Variants in GOLM2 observed in about 807,000 individuals in gnomAD.
GOLM2 encodes golgi membrane protein 2, also known as protein GOLM2.
In GOLM2, 26 loss-of-function variants were observed where a neutral mutation model predicts 55.9. The observed-to-expected ratio is 0.47, with a 90% CI of 0.34 to 0.65. GOLM2 has a LOEUF of 0.65. Ranked by LOEUF, GOLM2 falls within the 30% of genes least tolerant of loss-of-function variation. The probability of loss-of-function intolerance (pLI) is 0.01; values close to 1 mark genes in which losing one functional copy is unlikely to be tolerated. For synonymous variants in GOLM2, 165 were observed against 194.6 expected (o/e 0.85, Z 1.27); for missense variants, 486 against 531.8 (o/e 0.91, Z 0.85).
At chr15:44,328,515 T>A (rs2078999780) in intron 2 of GOLM2, among the ~76,000 whole-genome samples, 170 bp from the exon 3 acceptor site, 1 of 152,208 alleles carries the variant, frequency 6.6e-6, no homozygotes, top group African/African-American at 2.4e-5. Flanking sequence ...ACCATGAATG[T>A]GTTACAAAAG....
chr15:44,338,142 T>C, intron 5 of GOLM2, 95 bp from the exon 6 acceptor site: 2 of 1,192,888 alleles, frequency 1.7e-6, no homozygotes, highest in Non-Finnish European at 2.4e-6. Flanking sequence ...TGATGTAGCC[T>C]ATTACTTTTA....
At chr15:44,295,809 C>A (rs1343103983) in intron 1 of GOLM2, among the ~76,000 whole-genome samples, 1 of 151,986 alleles carries the variant, frequency 6.6e-6, no homozygotes, top group Non-Finnish European at 1.5e-5. Flanking sequence ...ACTTTAAAGA[C>A]CTTGTCTCCA....
intron 6 of GOLM2, among the ~76,000 whole-genome samples, chr15:44,347,129 A>T (rs1595639325): frequency 6.6e-6 from 1 of 151,058 alleles, no homozygotes; most frequent in Admixed American, 6.6e-5. Flanking sequence ...GTCTAAACAA[A>T]AAAGAGAGAG....
At chr15:44,375,323 G>A (rs138278339) in intron 6 of GOLM2, among the ~76,000 whole-genome samples, 121 of 152,216 alleles carry the variant, frequency 7.9e-4, no homozygotes, top group African/African-American at 2.6e-3. Context: ...CTGACCGAGA[G>A]TTGCTTTGAT....
At chr15:44,291,650 C>G (rs996549208) in intron 1 of GOLM2, among the ~76,000 whole-genome samples, 4 of 152,150 alleles carry the variant, frequency 2.6e-5, no homozygotes, top group Admixed American at 6.6e-5. Flanking sequence ...AAACTATTTT[C>G]TTTCTTGCTT....
intron 6 of GOLM2, among the ~76,000 whole-genome samples, chr15:44,376,061 A>G (rs1378282519): frequency 1.3e-5 from 2 of 152,052 alleles, no homozygotes; most frequent in African/African-American, 4.8e-5. Flanking sequence ...ACATGGAGAA[A>G]CCCCATCTCT....
chr15:44,312,044 G>T (rs748398617), intron 1 of GOLM2, among the ~76,000 whole-genome samples: 6 of 152,112 alleles, frequency 3.9e-5, no homozygotes, highest in Non-Finnish European at 8.8e-5. Context: ...GATTAAAACC[G>T]CTGAATAAAC....
chr15:44,311,652 TTG>T (rs371395923), intron 1 of GOLM2, among the ~76,000 whole-genome samples: 1 of 149,874 alleles, frequency 6.7e-6, no homozygotes, highest in Non-Finnish European at 1.5e-5. Context: ...AGGATTGCTT[TTG>T]TGTGTGTGTG....
chr15:44,367,725 G>A (rs2079295520), intron 6 of GOLM2, among the ~76,000 whole-genome samples: 1 of 151,804 alleles, frequency 6.6e-6, no homozygotes, highest in Non-Finnish European at 1.5e-5. Context: ...AACCCAGGAG[G>A]TGGAGGTTGC....
intron 6 of GOLM2, among the ~76,000 whole-genome samples, chr15:44,375,526 C>T (rs377377524): frequency 4.6e-5 from 7 of 152,278 alleles, no homozygotes; most frequent in African/African-American, 1.7e-4. Context: ...CCTATAATCC[C>T]AGCACTTTGG....
At chr15:44,367,006 G>T (rs892182137) in intron 6 of GOLM2, among the ~76,000 whole-genome samples, 1 of 152,076 alleles carries the variant, frequency 6.6e-6, no homozygotes, top group East Asian at 1.9e-4. Context: ...TGCCAGTCTT[G>T]ATATTAAAAT....
intron 8 of GOLM2, among the ~76,000 whole-genome samples, chr15:44,394,075 A>C (rs1339798108): frequency 2.6e-5 from 4 of 152,208 alleles, no homozygotes; most frequent in Non-Finnish European, 5.9e-5. Flanking sequence ...CTCAGTGGAT[A>C]CTGAGGGAGG....
intron 9 of GOLM2, among the ~76,000 whole-genome samples, chr15:44,407,406 C>G (rs1024860482): frequency 1.2e-4 from 18 of 151,422 alleles, no homozygotes; most frequent in Non-Finnish European, 2.1e-4. Flanking sequence ...TCTGGGACTA[C>G]AGGCATGCAC....
chr15:44,352,804 G>T (rs1201475361), intron 6 of GOLM2, among the ~76,000 whole-genome samples: 1 of 151,980 alleles, frequency 6.6e-6, no homozygotes, highest in Non-Finnish European at 1.5e-5. Context: ...TACTCAGGAG[G>T]CTGAGGCAGG....
Position 44,288,773 on chromosome 15 carries a change from C to G in GOLM2, c.-257C>G, listed in dbSNP as rs2078697517. The G allele has an allele frequency of 2.0e-6, 1 of 510,776 alleles. No homozygotes were observed. The highest frequency in any genetic ancestry group is 2.7e-5 in the South Asian group (1 of 37,396). The allele number at this position is 510,776 out of a possible 1,614,324, so 31.6% of individuals were successfully genotyped here. The stretch of plus-strand genomic sequence containing the variant: ...TGGGGGACGCTGGCAGCTGGGTTCT[C>G]CCGGTTCCCTTGGGCAGGTGCAGGG... On this transcript the variant is annotated 5_prime_UTR_variant, in exon 1 of 10. Transcript: ENST00000299957.
chr15:44,311,566 A>C (rs1209456994), intron 1 of GOLM2, among the ~76,000 whole-genome samples: 1 of 152,120 alleles, frequency 6.6e-6, no homozygotes, highest in Non-Finnish European at 1.5e-5. Flanking sequence ...CTGGGATGAG[A>C]ACTAGAAATA....
chr15:44,380,924 A>G lies in GOLM2; in HGVS notation c.1020A>G (p.Ile340Met), dbSNP rs745577994. 6.9e-6 allele frequency: 11 copies of G among 1,600,396 alleles called. No homozygotes were observed. The highest frequency in any genetic ancestry group is 1.3e-5 in the African/African-American group (1 of 74,588). ...LDSEPRIQTD[I>M]LKQATKDRVS... ...GTGAACCCAGAATTCAAACAGATAT[A>G]CTAAAGCAGGCTACCAAGGACAGAG... The change falls in exon 8 of 10, where the codon ATA becomes ATG. Residue 340 changes from isoleucine (I) to methionine (M), a missense_variant. Coordinates refer to ENST00000299957, the MANE Select transcript of GOLM2 (RefSeq NM_138423.4).
At chr15:44,387,593 T>C (rs1232739333) in intron 8 of GOLM2, 2 of 152,002 alleles carry the variant, frequency 1.3e-5, no homozygotes, top group Non-Finnish European at 2.9e-5. Flanking sequence ...TGAAACCCCA[T>C]CTCTACTAAA....
intron 1 of GOLM2, among the ~76,000 whole-genome samples, chr15:44,304,821 C>T (rs1031344378): frequency 6.6e-6 from 1 of 152,068 alleles, no homozygotes; most frequent in African/African-American, 2.4e-5. Context: ...TCCCAAAGTA[C>T]TGGGATTACA....
Sources: allele counts gnomAD v4.1 joint callset (sites outside exome capture counted in the v4.1 genomes callset), GRCh38; gene constraint gnomAD v4.1.1; transcripts MANE v1.5; gene names NCBI Gene and HGNC (gene_info 2026-07-23, HGNC 2026-07-21).